The following KDM4B variants were observed in gnomAD, a reference collection of about 807,000 sequenced individuals.
The protein encoded by KDM4B is lysine demethylase 4B.
A neutral mutation model predicts 125.2 loss-of-function variants in KDM4B; 32 were observed. That is an observed-to-expected ratio of 0.26 (90% CI 0.19 to 0.34). The LOEUF (loss-of-function observed/expected upper bound fraction) is 0.34. KDM4B is among the 10% of genes least tolerant of loss of function. The probability of loss-of-function intolerance (pLI) is 1.00; values close to 1 mark genes in which losing one functional copy is unlikely to be tolerated. For synonymous variants in KDM4B, 721 were observed against 677.9 expected, an observed-to-expected ratio of 1.06 and a Z score of -0.99; for missense variants, 1,190 against 1,577.7, an observed-to-expected ratio of 0.75 and a Z score of 4.16.
chr19:5,144,761 C>G (rs2039812072), intron 20 of KDM4B, 22 bp from the exon 21 acceptor site: 1 of 1,613,192 alleles, frequency 6.2e-7, no homozygotes, highest in African/African-American at 1.3e-5. Flanking sequence ...AGGACCTCAC[C>G]TCCCACCTCT....
Position 5,035,876 on chromosome 19 carries a change from T to C in KDM4B, c.141+2845T>C, listed in dbSNP as rs1290538173. Reference sequence around the variant, plus strand: ...GTGCACGTGTCTCTGTGTGTGTGTGTGTGTGCGCGCGCGCGCGCGCCTGCG... The same window carrying C: ...GTGCACGTGTCTCTGTGTGTGTGTGCGTGTGCGCGCGCGCGCGCGCCTGCG... On this transcript the variant is annotated intron_variant, in intron 3 of 22. Coordinates refer to ENST00000159111, the MANE Select transcript of KDM4B (RefSeq NM_015015.3). This position sits in a 1 kb window ranked among gnomAD's most constrained non-coding sequence, Gnocchi z 5.3. 1.0e-5 allele frequency among the ~76,000 whole-genome samples: 1 copy of C among 100,014 alleles called. No individual in the cohort carries two copies. The highest frequency in any genetic ancestry group is 3.6e-4 in the South Asian group (1 of 2,808). The allele number at this position is 100,014 out of a possible 152,430, so 65.6% of individuals were successfully genotyped here. A position where few individuals can be genotyped will look rare whatever the true frequency, so the allele number is the denominator to read the frequency against.
intron 1 of KDM4B, among the ~76,000 whole-genome samples, chr19:4,992,040 A>G (rs999247363): frequency 7.2e-5 from 11 of 152,062 alleles, no homozygotes; most frequent in African/African-American, 2.7e-4. Flanking sequence ...TAGCAATTTG[A>G]GTTCTCCAGA....
intron 16 of KDM4B, 46 bp downstream of exon 16, chr19:5,137,384 C>T: frequency 6.6e-7 from 1 of 1,513,126 alleles, no homozygotes; most frequent in Non-Finnish European, 9.0e-7. Flanking sequence ...GAGGCCTGGG[C>T]CCCGGCCCCA....
intron 6 of KDM4B, among the ~76,000 whole-genome samples, chr19:5,048,143 G>T (rs981409200): frequency 6.6e-6 from 1 of 152,244 alleles, no homozygotes; most frequent in South Asian, 2.1e-4. Flanking sequence ...GGAGGGCAGG[G>T]CGTGGCGCTG....
chr19:5,129,754 G>A (rs1054307563), intron 11 of KDM4B, among the ~76,000 whole-genome samples: 1 of 152,210 alleles, frequency 6.6e-6, no homozygotes, highest in African/African-American at 2.4e-5. Flanking sequence ...ACAGGTGGGG[G>A]CCTGAGCCCC....
intron 6 of KDM4B, among the ~76,000 whole-genome samples, chr19:5,048,505 C>G (rs1296842528): frequency 2.0e-5 from 3 of 151,674 alleles, no homozygotes; most frequent in Non-Finnish European, 4.4e-5. Context: ...TCTTCCCAGG[C>G]CGTCCTCGCG....
intron 20 of KDM4B, 149 bp from the exon 21 acceptor site, chr19:5,144,634 G>A: frequency 8.4e-7 from 1 of 1,196,088 alleles, no homozygotes; most frequent in Admixed American, 2.2e-5. Context: ...CCAGGGCTCT[G>A]CACCGCCCCG....
chr19:4,977,733 C>T (rs753842), intron 1 of KDM4B, among the ~76,000 whole-genome samples: 38,716 of 152,012 alleles, frequency 0.25, 6,316 homozygotes, highest in East Asian at 0.69. Context: ...TTGATCATGG[C>T]GGGATGGAAA....
chr19:5,091,387 C>T (rs769538289), intron 9 of KDM4B, among the ~76,000 whole-genome samples: 31 of 152,150 alleles, frequency 2.0e-4, no homozygotes, highest in Non-Finnish European at 3.2e-4. Flanking sequence ...CCAGCCTCCC[C>T]GGGGACATCT....
intron 6 of KDM4B, among the ~76,000 whole-genome samples, chr19:5,067,438 C>T (rs2037807759): frequency 6.6e-6 from 1 of 152,200 alleles, no homozygotes; most frequent in African/African-American, 2.4e-5. Context: ...AGAGGGCTGG[C>T]CACACACAGC....
At chr19:5,062,609 T>C (rs560076377) in intron 6 of KDM4B, among the ~76,000 whole-genome samples, 1 of 151,914 alleles carries the variant, frequency 6.6e-6, no homozygotes, top group Non-Finnish European at 1.5e-5. Flanking sequence ...GGGTTTAGAG[T>C]GTTCTGTTAA....
At chr19:5,030,479 C>T (rs1210844529) in intron 2 of KDM4B, among the ~76,000 whole-genome samples, 1 of 152,206 alleles carries the variant, frequency 6.6e-6, no homozygotes, top group African/African-American at 2.4e-5. Context: ...GGTGGGCCAG[C>T]CCCTCACATG....
intron 2 of KDM4B, among the ~76,000 whole-genome samples, chr19:5,020,290 T>C (rs2036070649): frequency 6.8e-6 from 1 of 147,164 alleles, no homozygotes; most frequent in Non-Finnish European, 1.5e-5. Flanking sequence ...ATGGTGTAGA[T>C]GTTGGTGTGC....
At chr19:5,150,833 C>T (rs1005803496) in intron 22 of KDM4B, among the ~76,000 whole-genome samples, 7 of 152,198 alleles carry the variant, frequency 4.6e-5, no homozygotes, top group East Asian at 1.9e-4. Context: ...AGGCGAAGTA[C>T]GGGCACCCCA....
rs2039736718 is a variant in KDM4B, at chr19:5,141,238, G to A, written c.2551-2729G>A. The A allele has an allele frequency of 6.6e-6, 1 of 152,230 alleles. No homozygotes were observed. Among genetic ancestry groups the A allele is most frequent in the African/African-American group, 2.4e-5 (1 of 41,464 alleles). 9.4% of individuals were successfully genotyped at this position (152,230 alleles called of 1,614,324 possible). A position where few individuals can be genotyped will look rare whatever the true frequency, so the allele number is the denominator to read the frequency against. Reference sequence around the variant, plus strand: ...CCTCTTTCCTTGTTCGTGGAGTGGAGTGTGCAGTGGGTCACGCCGGCCTGG... The same window carrying A: ...CCTCTTTCCTTGTTCGTGGAGTGGAATGTGCAGTGGGTCACGCCGGCCTGG... On this transcript the variant is annotated intron_variant, in intron 18 of 22. Coordinates refer to ENST00000159111, the MANE Select transcript of KDM4B (RefSeq NM_015015.3). This position sits in a 1 kb window ranked among gnomAD's most constrained non-coding sequence, Gnocchi z 6.4.
In KDM4B at chr19:5,115,093, G is replaced by A. The variant is rs1346988513; in HGVS notation, c.1115+4275G>A. ...CAGGCTTTGAAAAGCAGGGAAGGGT[G>A]GGCAGGAGACCCCATGGGCCGGCAA... On this transcript the variant is annotated intron_variant, in intron 10 of 22. Coordinates refer to ENST00000159111, the MANE Select transcript of KDM4B (RefSeq NM_015015.3). This position sits in a 1 kb window ranked among gnomAD's most constrained non-coding sequence, Gnocchi z 4.2. 1.3e-5 allele frequency among the ~76,000 whole-genome samples: 2 copies of A among 152,184 alleles called. No homozygotes were observed. The highest frequency in any genetic ancestry group is 2.9e-5 in the Non-Finnish European group (2 of 68,038).
chr19:5,061,581 C>T (rs1279403682), intron 6 of KDM4B, among the ~76,000 whole-genome samples: 1 of 152,160 alleles, frequency 6.6e-6, no homozygotes, highest in African/African-American at 2.4e-5. Context: ...CCAGTAGAAA[C>T]AGGCAGGTTG....
chr19:4,972,223 G>A (rs2034284811), intron 1 of KDM4B, among the ~76,000 whole-genome samples: 1 of 152,282 alleles, frequency 6.6e-6, no homozygotes, highest in African/African-American at 2.4e-5. Flanking sequence ...TCTGTCCCAT[G>A]CCCCACACAG....
rs1289786524 is a variant in KDM4B, at chr19:5,123,294, G to GGAA, written c.1315+3444_1315+3446dup. Reference sequence around the variant, plus strand: ...GTACAATCTCACACCTGTGGAAGCGGGAAGGTCACGGTCCAGGTGTCAGCC... The same window carrying GGAA: ...GTACAATCTCACACCTGTGGAAGCGGGAAGAAGGTCACGGTCCAGGTGTCAGCC... On this transcript the variant is annotated intron_variant, in intron 11 of 22. Coordinates refer to ENST00000159111, the MANE Select transcript of KDM4B (RefSeq NM_015015.3). 2.6e-5 allele frequency among the ~76,000 whole-genome samples: 4 copies of GGAA among 152,342 alleles called. No homozygotes were observed. The South Asian group carries it at 8.3e-4, about 32-fold the overall frequency.
Sources: allele counts gnomAD v4.1 joint callset (sites outside exome capture counted in the v4.1 genomes callset), GRCh38; gene constraint gnomAD v4.1.1; non-coding constraint Gnocchi (gnomAD v3.1); transcripts MANE v1.5; gene names NCBI Gene and HGNC (gene_info 2026-07-23, HGNC 2026-07-21).